ZMYND11: variants seen among roughly 807,000 people sequenced by gnomAD.
ZMYND11 encodes the protein zinc finger MYND-type containing 11.
In ZMYND11, 9 loss-of-function variants were observed where a neutral mutation model predicts 84.9. The observed-to-expected ratio is 0.11, with a 90% CI of 0.06 to 0.18. The LOEUF is 0.18. Among genes scored for constraint, ZMYND11 ranks in the 10% least tolerant of loss-of-function variants. The pLI is 1.00. For missense variants in ZMYND11, 409 were observed against 761.0 expected, an observed-to-expected ratio of 0.54 and a Z score of 5.44; for synonymous variants, 250 against 244.1, an observed-to-expected ratio of 1.02 and a Z score of -0.23.
chr10:156,178 A>T (rs1554758874), intron 1 of ZMYND11, among the ~76,000 whole-genome samples: 1 of 152,198 alleles, frequency 6.6e-6, no homozygotes, highest in Non-Finnish European at 1.5e-5. Context: ...GATGCACAGG[A>T]TGGCCCCACA....
chr10:180,207 G>T, intron 2 of ZMYND11, 79 bp downstream of exon 2: 1 of 1,050,526 alleles, frequency 9.5e-7, no homozygotes, highest in Non-Finnish European at 1.4e-6. Context: ...AATTTTATCT[G>T]TTATGCTAAT....
chr10:196,266 A>T (rs1941717884), intron 2 of ZMYND11, among the ~76,000 whole-genome samples: 1 of 152,228 alleles, frequency 6.6e-6, no homozygotes, highest in African/African-American at 2.4e-5. Flanking sequence ...CATTTCTGGT[A>T]ATACTACGGA....
At chr10:233,648 C>T (rs1564428614) in intron 4 of ZMYND11, among the ~76,000 whole-genome samples, 1 of 152,154 alleles carries the variant, frequency 6.6e-6, no homozygotes, top group Non-Finnish European at 1.5e-5. Flanking sequence ...GACCTTGTTT[C>T]CTTTCATGCT....
chr10:207,402 G>A (rs1044577874), intron 2 of ZMYND11, among the ~76,000 whole-genome samples: 29 of 152,238 alleles, frequency 1.9e-4, no homozygotes, highest in African/African-American at 6.0e-4. Context: ...TAGATCCCTG[G>A]GGAATCGCCA....
At chr10:250,277 A>G (rs899528383) in intron 14 of ZMYND11, among the ~76,000 whole-genome samples, 35 of 152,198 alleles carry the variant, frequency 2.3e-4, no homozygotes, top group Non-Finnish European at 4.9e-4. Context: ...AATTTGTGTG[A>G]TCAACTCTCA....
intron 1 of ZMYND11, among the ~76,000 whole-genome samples, chr10:159,361 C>T (rs9329281): frequency 0.93 from 140,811 of 152,172 alleles, 65,555 homozygotes; most frequent in Non-Finnish European, 0.98. Flanking sequence ...CCACCAGTAG[C>T]GTATGAGAAT....
intron 6 of ZMYND11, among the ~76,000 whole-genome samples, chr10:238,135 G>T (rs1166823873): frequency 1.3e-5 from 2 of 152,160 alleles, no homozygotes; most frequent in Non-Finnish European, 2.9e-5. Context: ...TATTCTTAAA[G>T]GTCTTAATTT....
chr10:165,948 A>T (rs1404891749), intron 1 of ZMYND11, among the ~76,000 whole-genome samples: 2 of 152,108 alleles, frequency 1.3e-5, no homozygotes, highest in Non-Finnish European at 2.9e-5. Flanking sequence ...TCAGAAATAA[A>T]CCCATACATC....
At chr10:221,530 T>C (rs1299623095) in intron 4 of ZMYND11, among the ~76,000 whole-genome samples, 174 bp downstream of exon 4, 3 of 152,204 alleles carry the variant, frequency 2.0e-5, no homozygotes, top group African/African-American at 7.2e-5. Flanking sequence ...ACATACACCG[T>C]ATTTCAGGGT....
In ZMYND11 at chr10:226,519, T is replaced by C. The variant is rs184404736; in HGVS notation, c.438+5163T>C. Among the ~76,000 whole-genome samples, 459 of 152,250 alleles carry C rather than the reference T, an allele frequency of 3.0e-3. No individual in the cohort carries two copies. The Middle Eastern group carries it at 0.031, about 10-fold the overall frequency. ...ATTTTGATTTCATAACTTAGAGGAG[T>C]TGTAGATTCATGTTATTGCCCCTAT... On this transcript the variant is annotated intron_variant, in intron 4 of 14. Coordinates refer to ENST00000381604, the MANE Select transcript of ZMYND11 (RefSeq NM_001370100.5).
At chr10:230,127 C>T (rs1246088678) in intron 4 of ZMYND11, among the ~76,000 whole-genome samples, 1 of 151,740 alleles carries the variant, frequency 6.6e-6, no homozygotes, top group Non-Finnish European at 1.5e-5. Flanking sequence ...TAGTATTTCT[C>T]CAAATAAGAT....
intron 3 of ZMYND11, among the ~76,000 whole-genome samples, chr10:219,670 T>G (rs1193765655): frequency 1.3e-5 from 2 of 152,218 alleles, no homozygotes; most frequent in East Asian, 3.8e-4. Context: ...GTTGTCTGTG[T>G]GATGCCAGTG....
At chr10:144,989 T>C (rs1179951039) in intron 1 of ZMYND11, among the ~76,000 whole-genome samples, 2 of 151,126 alleles carry the variant, frequency 1.3e-5, no homozygotes, top group Admixed American at 1.3e-4. Context: ...TGTGTACCCA[T>C]AGCTTAGTTC....
In ZMYND11 at chr10:144,099, A is replaced by T. The variant is rs571523895; in HGVS notation, c.-20+8540A>T. Among the ~76,000 whole-genome samples the T allele has an allele frequency of 1.2e-3, 175 of 152,102 alleles. 2 individuals are homozygous for T. In the South Asian group the frequency reaches 0.021, roughly 18 times the overall value. ...AATAAAAATAATTTTAGTCTTAGTT[A>T]TTTTCAAATGAATTAAAAGCTGAAC... On this transcript the variant is annotated intron_variant, in intron 1 of 14. Transcript: ENST00000381604.
At chr10:186,184 T>C (rs1938371135) in intron 2 of ZMYND11, among the ~76,000 whole-genome samples, 1 of 151,620 alleles carries the variant, frequency 6.6e-6, no homozygotes, top group South Asian at 2.1e-4. Flanking sequence ...TAATTTTTTT[T>C]GTATTTTTAG....
At chr10:168,138 A>G (rs1844445033) in intron 1 of ZMYND11, among the ~76,000 whole-genome samples, 1 of 152,300 alleles carries the variant, frequency 6.6e-6, no homozygotes, top group East Asian at 1.9e-4. Flanking sequence ...AAAAACTGAC[A>G]ATACTGCTGG....
At chr10:242,482 C>T (rs899851205) in intron 10 of ZMYND11, among the ~76,000 whole-genome samples, 1 of 151,980 alleles carries the variant, frequency 6.6e-6, no homozygotes, top group African/African-American at 2.4e-5. Flanking sequence ...TCTAGTTGCT[C>T]CAGCCATCTT....
intron 2 of ZMYND11, among the ~76,000 whole-genome samples, chr10:200,229 A>AGTGTGTGTGTGTGTGTGTGTG (rs1942828320): frequency 1.1e-4 from 1 of 9,170 alleles, no homozygotes; most frequent in Non-Finnish European, 8.3e-4. Context: ...TGTGTGTATA[A>AGTGTGTGTGTGTGTGTGTGTG]TATATATAAA....
At chr10:157,126 G>A (rs1028374696) in intron 1 of ZMYND11, among the ~76,000 whole-genome samples, 2 of 152,184 alleles carry the variant, frequency 1.3e-5, no homozygotes, top group African/African-American at 4.8e-5. Flanking sequence ...TTAAAATATG[G>A]TAAAATGTTA....
Sources: gnomAD v4.1 joint callset for allele counts (sites outside exome capture counted in the v4.1 genomes callset) on GRCh38, gnomAD v4.1.1 for gene constraint, MANE v1.5 for transcripts, NCBI Gene and HGNC (gene_info 2026-07-23, HGNC 2026-07-21) for gene names.